The following SPRY3 variants were observed in gnomAD, a reference collection of about 807,000 sequenced individuals.
SPRY3 encodes the protein sprouty RTK signaling antagonist 3.
Under a neutral mutation model 20.2 loss-of-function variants are expected in SPRY3, and 15 were observed. The observed-to-expected ratio is 0.74, with a 90% CI of 0.50 to 1.14. The LOEUF (loss-of-function observed/expected upper bound fraction) is 1.14. Ranked by LOEUF, SPRY3 falls within the 50% of genes most tolerant of loss-of-function variation. The probability of loss-of-function intolerance (pLI) is 0.00; values close to 1 mark genes in which losing one functional copy is unlikely to be tolerated. For missense variants in SPRY3, 364 were observed against 363.9 expected (o/e 1.00, Z 0.00); for synonymous variants, 143 against 136.5 (o/e 1.05, Z -0.33).
intron 2 of SPRY3, among the ~76,000 whole-genome samples, chrX:155,697,321 T>G (rs761652295): frequency 9.1e-6 from 1 of 110,461 alleles, no homozygotes; most frequent in Non-Finnish European, 1.9e-5. Flanking sequence ...GGTCTTCCTC[T>G]GCCTTTGAAT....
chrX:155,723,882 G>T (rs192850723), intron 2 of SPRY3, among the ~76,000 whole-genome samples: 34 of 152,252 alleles, frequency 2.2e-4, no homozygotes, highest in African/African-American at 7.9e-4. Context: ...GAATGGTATT[G>T]CCTAGGTTTT....
intron 2 of SPRY3, among the ~76,000 whole-genome samples, chrX:155,674,480 G>T (rs1370451301): frequency 9.0e-6 from 1 of 110,731 alleles, no homozygotes. Flanking sequence ...TTCCATTGTT[G>T]GCTAAATCTA....
At chrX:155,713,279 T>G (rs1424770204) in intron 2 of SPRY3, among the ~76,000 whole-genome samples, 1 of 152,092 alleles carries the variant, frequency 6.6e-6, no homozygotes, top group Non-Finnish European at 1.5e-5. Context: ...TATTTTTCTG[T>G]GTGCATACTA....
intron 2 of SPRY3, among the ~76,000 whole-genome samples, chrX:155,729,060 C>T (rs1291042433): frequency 6.6e-6 from 1 of 152,000 alleles, no homozygotes; most frequent in African/African-American, 2.4e-5. Flanking sequence ...CTGGAGAACC[C>T]AGACATATAA....
intron 2 of SPRY3, among the ~76,000 whole-genome samples, chrX:155,719,283 A>G (rs1369568428): frequency 5.3e-5 from 8 of 152,164 alleles, no homozygotes; most frequent in Non-Finnish European, 1.2e-4. Context: ...AGCCCTGGCC[A>G]GAGGGAAATC....
chrX:155,628,303 G>A (rs782602837), intron 1 of SPRY3, among the ~76,000 whole-genome samples: 2 of 111,464 alleles, frequency 1.8e-5, no homozygotes, highest in South Asian at 3.8e-4. Context: ...ATTTCTCCAA[G>A]CAATTGCAAC....
chrX:155,747,510 T>C (rs1386862727), intron 2 of SPRY3, among the ~76,000 whole-genome samples: 1 of 151,966 alleles, frequency 6.6e-6, no homozygotes, highest in Non-Finnish European at 1.5e-5. Context: ...TCTATCTCCA[T>C]TAATCCATAC....
intron 2 of SPRY3, among the ~76,000 whole-genome samples, chrX:155,720,333 G>A (rs2124552145): frequency 6.6e-6 from 1 of 152,262 alleles, no homozygotes; most frequent in South Asian, 2.1e-4. Context: ...CTGGCTGCCA[G>A]ACAGCATCTC....
chrX:155,751,953 TAAAATAAAATAAAATAAAATAAAATAA>T (rs1457186275), intron 2 of SPRY3, among the ~76,000 whole-genome samples: 2 of 139,124 alleles, frequency 1.4e-5, no homozygotes, highest in African/African-American at 5.4e-5. Flanking sequence ...TAAAATAAAA[TAAAATAAAATAAAATAAAATAAAATAA>T]AATAAAGGAA....
chrX:155,714,904 G>A (rs1364784394), intron 2 of SPRY3, among the ~76,000 whole-genome samples: 2 of 152,092 alleles, frequency 1.3e-5, no homozygotes, highest in Non-Finnish European at 2.9e-5. Context: ...ACCAATGTTT[G>A]CGTAAAGCCT....
chrX:155,755,682 A>G (rs765258959), intron 2 of SPRY3, among the ~76,000 whole-genome samples: 8 of 152,228 alleles, frequency 5.3e-5, no homozygotes, highest in African/African-American at 1.9e-4. Context: ...ATATAAGGAG[A>G]TCTGTCTCCA....
intron 2 of SPRY3, among the ~76,000 whole-genome samples, chrX:155,660,669 G>C (rs1603125340): frequency 1.8e-5 from 2 of 111,007 alleles, no homozygotes; most frequent in East Asian, 5.6e-4. Flanking sequence ...CTTAGGTCTA[G>C]TAGTATTCAT....
chrX:155,681,527 G>A (rs988683999), intron 2 of SPRY3, among the ~76,000 whole-genome samples: 58 of 112,426 alleles, frequency 5.2e-4, no homozygotes, highest in African/African-American at 1.9e-3. Flanking sequence ...TTAAGCTTAG[G>A]GAGGAAGGCA....
At chrX:155,697,459 C>A (rs1349636203) in intron 2 of SPRY3, among the ~76,000 whole-genome samples, 1 of 108,952 alleles carries the variant, frequency 9.2e-6, no homozygotes, top group African/African-American at 3.4e-5. Context: ...TCAGCCTCCA[C>A]AAACACACGA....
At chrX:155,714,943 C>T in intron 2 of SPRY3, among the ~76,000 whole-genome samples, 1 of 152,150 alleles carries the variant, frequency 6.6e-6, no homozygotes, top group Middle Eastern at 3.4e-3. Flanking sequence ...ATGGTGAATG[C>T]TGCCATTCCT....
Position 155,614,988 on chromosome X carries a change from T to A in SPRY3, c.-441+2341T>A, listed in dbSNP as rs144495130. 3.0e-4 allele frequency among the ~76,000 whole-genome samples: 34 copies of A among 111,935 alleles called. No individual in the cohort carries two copies. In the East Asian group the frequency reaches 9.2e-3, roughly 30 times the overall value. On this transcript the variant is annotated intron_variant, in intron 1 of 3. Transcript: ENST00000675360. ...CTGCTTCCAAAATATAATCTGCTCA[T>A]GCATTTGTCCCTCACTGTACTGCTA... is the stretch of plus-strand genomic sequence containing the variant.
At chrX:155,613,075 C>T (rs1021523077) in intron 1 of SPRY3, 2 of 111,912 alleles carry the variant, frequency 1.8e-5, no homozygotes, top group Non-Finnish European at 3.8e-5. Context: ...TCTATTCAAT[C>T]GCCTTTAGTG....
chrX:155,698,210 G>A (rs1034944526), intron 2 of SPRY3, among the ~76,000 whole-genome samples: 8 of 111,433 alleles, frequency 7.2e-5, no homozygotes, highest in African/African-American at 2.6e-4. Flanking sequence ...ACAAAAAATT[G>A]TTGGAAATTC....
intron 2 of SPRY3, among the ~76,000 whole-genome samples, chrX:155,722,211 CAT>C (rs1215638139): frequency 7.2e-5 from 11 of 151,978 alleles, no homozygotes; most frequent in Non-Finnish European, 1.0e-4. Context: ...AATCAAAAGA[CAT>C]AAAAAAATAC....
Sources: gnomAD v4.1 joint callset for allele counts (sites outside exome capture counted in the v4.1 genomes callset) on GRCh38, gnomAD v4.1.1 for gene constraint, MANE v1.5 for transcripts, NCBI Gene and HGNC (gene_info 2026-07-23, HGNC 2026-07-21) for gene names.